MICU1: variants seen among roughly 807,000 people sequenced by gnomAD.
MICU1 encodes calcium uptake protein 1, mitochondrial.
In MICU1, 45 loss-of-function variants were observed where a neutral mutation model predicts 56.8. That is an observed-to-expected ratio of 0.79 (90% CI 0.62 to 1.02). MICU1 has a LOEUF of 1.02. Among genes scored for constraint, MICU1 ranks in the 50% least tolerant of loss-of-function variants. The pLI is 0.00. For missense variants in MICU1, 504 were observed against 587.1 expected (o/e 0.86, Z 1.46); for synonymous variants, 186 against 195.1 (o/e 0.95, Z 0.39).
chr10:72,474,060 C>A (rs1866029901), intron 8 of MICU1, among the ~76,000 whole-genome samples: 1 of 151,682 alleles, frequency 6.6e-6, no homozygotes, highest in Non-Finnish European at 1.5e-5. Flanking sequence ...AGTTCAAGAC[C>A]AGTCTGGCCA....
chr10:72,411,268 G>T (rs1863801606), intron 9 of MICU1, among the ~76,000 whole-genome samples: 1 of 151,920 alleles, frequency 6.6e-6, no homozygotes, highest in Non-Finnish European at 1.5e-5. Flanking sequence ...TCTGGAAATA[G>T]ATGTGTATTT....
chr10:72,625,005 C>T (rs1842194555), intron 1 of MICU1, among the ~76,000 whole-genome samples: 1 of 152,192 alleles, frequency 6.6e-6, no homozygotes, highest in Admixed American at 6.5e-5. Flanking sequence ...GAAACCTAAA[C>T]TCTCCTACAG....
chr10:72,614,137 C>A (rs1841922261), intron 1 of MICU1, among the ~76,000 whole-genome samples: 2 of 151,960 alleles, frequency 1.3e-5, no homozygotes, highest in South Asian at 4.2e-4. Context: ...GAACAAAACT[C>A]CATCCCCAAA....
intron 1 of MICU1, among the ~76,000 whole-genome samples, chr10:72,621,225 C>T (rs1032086052): frequency 6.6e-6 from 1 of 152,116 alleles, no homozygotes; most frequent in Admixed American, 6.6e-5. Flanking sequence ...TGGATGGGCG[C>T]AGTGGCTCAC....
At chr10:72,538,054 C>T (rs1305336977) in intron 4 of MICU1, among the ~76,000 whole-genome samples, 1 of 152,080 alleles carries the variant, frequency 6.6e-6, no homozygotes, top group Non-Finnish European at 1.5e-5. Flanking sequence ...CATAATTATT[C>T]AGTTCTTTTC....
At chr10:72,415,060 G>C (rs1863941353) in intron 9 of MICU1, among the ~76,000 whole-genome samples, 1 of 144,098 alleles carries the variant, frequency 6.9e-6, no homozygotes, top group Admixed American at 7.1e-5. Flanking sequence ...CTGTTGCTTA[G>C]GCTGGAGTGC....
intron 3 of MICU1, 158 bp downstream of exon 3, chr10:72,562,737 C>T: frequency 1.7e-6 from 1 of 574,052 alleles, no homozygotes; most frequent in Non-Finnish European, 2.7e-6. Flanking sequence ...CCTCACATTC[C>T]AAGAGTACTT....
intron 4 of MICU1, among the ~76,000 whole-genome samples, chr10:72,536,130 G>A (rs1196723752): frequency 2.6e-5 from 4 of 152,034 alleles, no homozygotes; most frequent in African/African-American, 9.7e-5. Context: ...GGAAGAACAA[G>A]TTCTAGTGTT....
rs771859221 is a variant in MICU1 at position 72,563,047 on chromosome 10, G to C, written c.178C>G (p.Pro60Ala). 6.3e-7 allele frequency: 1 copy of C among 1,578,560 alleles called. No homozygotes were observed. Among genetic ancestry groups the C allele is most frequent in the Non-Finnish European group, 8.6e-7 (1 of 1,165,364 alleles). ...LLWKRAHAES[P>A]PCVDNLKSDI... The stretch of plus-strand genomic sequence containing the variant: ...CTTTTTAGGTTGTCTACACATGGTG[G>C]AGATTCTGCATGGGCCCTGGATATG... The change falls in exon 3 of 12, where the codon CCA becomes GCA. Residue 60 changes from proline (P) to alanine (A), a missense_variant. Physicochemically the swap from Pro to Ala is conservative, Grantham distance 27. Coordinates refer to ENST00000361114, the MANE Select transcript of MICU1 (RefSeq NM_001195518.2).
Position 72,508,200 on chromosome 10 carries a change from G to A in MICU1, c.607C>T (p.Leu203Phe), listed in dbSNP as rs1448929485. 5.2e-6 allele frequency: 8 copies of A among 1,550,648 alleles called. No homozygotes were observed. Among genetic ancestry groups the A allele is most frequent in the Non-Finnish European group, 6.2e-6 (7 of 1,138,116 alleles). The change falls in exon 6 of 12, where the codon CTC becomes TTC. Residue 203 changes from leucine (L) to phenylalanine (F), a missense_variant. Leu to Phe is a conservative substitution (Grantham distance 22, BLOSUM62 0). Coordinates refer to ENST00000361114, the MANE Select transcript of MICU1 (RefSeq NM_001195518.2). ...AAAATGTAGTCTGAAAAGGATATGA[G>A]CCCACATTCTCCAAGGGTGTAAAAT... ...SIFYTLGECGLISFSDYIFLT... is the reference protein window; with the variant it reads ...SIFYTLGECGFISFSDYIFLT...
At chr10:72,486,340 T>C (rs1476221980) in intron 6 of MICU1, among the ~76,000 whole-genome samples, 2 of 152,214 alleles carry the variant, frequency 1.3e-5, no homozygotes, top group East Asian at 1.9e-4. Context: ...CATCAAAATA[T>C]GCAACAAAAC....
intron 1 of MICU1, among the ~76,000 whole-genome samples, chr10:72,625,537 A>G (rs1222155437): frequency 6.6e-6 from 1 of 152,196 alleles, no homozygotes; most frequent in Non-Finnish European, 1.5e-5. Context: ...TGCACTTTGT[A>G]TTTCTCCTTT....
At chr10:72,537,159 T>C (rs891185200) in intron 4 of MICU1, among the ~76,000 whole-genome samples, 2 of 152,226 alleles carry the variant, frequency 1.3e-5, no homozygotes, top group Admixed American at 6.5e-5. Context: ...GCCAAGACTT[T>C]CATTATTTCA....
At chr10:72,421,022 T>A (rs201927599) in intron 9 of MICU1, among the ~76,000 whole-genome samples, 3,099 of 136,048 alleles carry the variant, frequency 0.023, 93 homozygotes, top group East Asian at 0.068. Context: ...AAAAAAATAA[T>A]AATAATAATA....
At chr10:72,412,123 A>C (rs1863835470) in intron 9 of MICU1, among the ~76,000 whole-genome samples, 2 of 152,228 alleles carry the variant, frequency 1.3e-5, no homozygotes, top group African/African-American at 4.8e-5. Context: ...TGTCAGTCCC[A>C]AAATTCTTAT....
chr10:72,542,193 T>C (rs1047940626), intron 4 of MICU1, among the ~76,000 whole-genome samples: 86 of 152,292 alleles, frequency 5.6e-4, no homozygotes, highest in African/African-American at 2.0e-3. Context: ...TAACTCTTTT[T>C]ATGGACACTG....
chr10:72,439,053 G>T (rs938558948), intron 8 of MICU1, among the ~76,000 whole-genome samples: 5 of 152,248 alleles, frequency 3.3e-5, no homozygotes, highest in Admixed American at 1.3e-4. Flanking sequence ...CATTTTATAA[G>T]GCCAACATCA....
chr10:72,509,004 T>A (rs1723603019), intron 5 of MICU1, among the ~76,000 whole-genome samples: 1 of 152,228 alleles, frequency 6.6e-6, no homozygotes, highest in African/African-American at 2.4e-5. Flanking sequence ...CAAAGAAAGT[T>A]AGTTCTCAGC....
At chr10:72,545,451 G>A (rs765140582) in intron 4 of MICU1, among the ~76,000 whole-genome samples, 2 of 152,228 alleles carry the variant, frequency 1.3e-5, no homozygotes, top group Non-Finnish European at 2.9e-5. Flanking sequence ...GTATACACTG[G>A]TTTGGTCCAG....
Sources: gnomAD v4.1 joint callset for allele counts (sites outside exome capture counted in the v4.1 genomes callset) on GRCh38, gnomAD v4.1.1 for gene constraint, MANE v1.5 for transcripts, NCBI Gene and HGNC (gene_info 2026-07-23, HGNC 2026-07-21) for gene names.